RNF144B: variants seen among roughly 807,000 people sequenced by gnomAD.
RNF144B encodes ring finger protein 144B.
RNF144B carries 25 observed loss-of-function variants against 40.2 expected under a neutral mutation model. The ratio of observed to expected loss-of-function variants is 0.62; its 90% CI spans 0.45 to 0.87. The LOEUF (loss-of-function observed/expected upper bound fraction) is 0.87, where lower values mean the gene tolerates loss of function less well. Ranked by LOEUF, RNF144B falls within the 40% of genes least tolerant of loss-of-function variation. RNF144B has a pLI of 0.00. For missense variants in RNF144B, 365 were observed against 373.7 expected (o/e 0.98, Z 0.19); for synonymous variants, 145 against 136.3 (o/e 1.06, Z -0.44).
intron 2 of RNF144B, among the ~76,000 whole-genome samples, chr6:18,424,663 A>G (rs945948308): frequency 2.6e-5 from 4 of 152,228 alleles, no homozygotes; most frequent in East Asian, 1.9e-4. Context: ...GGGAAGGTGT[A>G]TATTTCAACT....
chr6:18,403,632 G>T (rs570908196), intron 2 of RNF144B, among the ~76,000 whole-genome samples: 1 of 152,090 alleles, frequency 6.6e-6, no homozygotes, highest in Non-Finnish European at 1.5e-5. Flanking sequence ...GGGGCCTGTC[G>T]GGTGACCTTT....
intron 7 of RNF144B, among the ~76,000 whole-genome samples, chr6:18,463,860 G>C (rs1244790037): frequency 6.6e-6 from 1 of 152,184 alleles, no homozygotes; most frequent in Non-Finnish European, 1.5e-5. Flanking sequence ...GAGGAGCAAA[G>C]TCATGTCTTA....
rs1759109163 is a variant in RNF144B, at chr6:18,447,449, GA to G, written c.331+7706del. On this transcript the variant is annotated intron_variant, in intron 4 of 7. Transcript: ENST00000259939. The surrounding 1 kb of genome is among the most constrained non-coding windows in gnomAD (Gnocchi z 5.6). ...GATTATGAAGATGAAGTCTTAGTGG[GA>G]TGAGAAGCCATTGGAGGGTTTGGAT... 6.6e-6 allele frequency among the ~76,000 whole-genome samples: 1 copy of G among 152,152 alleles called. No homozygotes were observed. Among genetic ancestry groups the G allele is most frequent in the Non-Finnish European group, 1.5e-5 (1 of 68,024 alleles).
At chr6:18,389,964 C>T (rs901641859) in intron 1 of RNF144B, among the ~76,000 whole-genome samples, 12 of 152,132 alleles carry the variant, frequency 7.9e-5, no homozygotes, top group South Asian at 2.1e-4. Flanking sequence ...TATTTTCTCT[C>T]CTCCAAGTAC....
In RNF144B at chr6:18,396,844, C is replaced by T. The variant is rs536577843; in HGVS notation, c.-36-2655C>T. On this transcript the variant is annotated intron_variant, in intron 1 of 7. Coordinates refer to ENST00000259939, the MANE Select transcript of RNF144B (RefSeq NM_182757.4). Reference sequence around the variant, plus strand: ...AAAGGTAAAGTCATTCATTTTTACCCGTATGTTTATCATAAAGAGAGATTT... The same window carrying T: ...AAAGGTAAAGTCATTCATTTTTACCTGTATGTTTATCATAAAGAGAGATTT... 1.4e-4 allele frequency: 133 copies of T among 983,222 alleles called. No homozygotes were observed. The African/African-American group carries it at 1.8e-3, about 13-fold the overall frequency. The allele number at this position is 983,222 out of a possible 1,614,324, so 60.9% of individuals were successfully genotyped here. A position where few individuals can be genotyped will look rare whatever the true frequency, so the allele number is the denominator to read the frequency against.
Position 18,458,091 on chromosome 6 carries a change from C to T in RNF144B, c.536+732C>T, listed in dbSNP as rs1239636795. On this transcript the variant is annotated intron_variant, in intron 5 of 7. Transcript: ENST00000259939. The surrounding 1 kb of genome is among the most constrained non-coding windows in gnomAD (Gnocchi z 4.8). ...TAGCTGGGATTGCAGGCACTTGCCA[C>T]CACGCCTGGCTAATTTTTCTATTTT... is the stretch of plus-strand genomic sequence containing the variant. Among the ~76,000 whole-genome samples, 1 of 152,114 alleles carries T rather than the reference C, an allele frequency of 6.6e-6. No homozygotes were observed. The highest frequency in any genetic ancestry group is 1.5e-5 in the Non-Finnish European group (1 of 68,020).
Position 18,466,803 on chromosome 6 carries a change from A to G in RNF144B, c.*1736A>G, listed in dbSNP as rs1413287831. 6.6e-6 allele frequency: 1 copy of G among 152,644 alleles called. No homozygotes were observed. Among genetic ancestry groups the G allele is most frequent in the African/African-American group, 2.4e-5 (1 of 41,454 alleles). The allele number at this position is 152,644 out of a possible 1,614,324, so 9.5% of individuals were successfully genotyped here. On this transcript the variant is annotated 3_prime_UTR_variant, in exon 8 of 8. Coordinates refer to ENST00000259939, the MANE Select transcript of RNF144B (RefSeq NM_182757.4). Reference sequence around the variant, plus strand: ...GGATGTGTATATTTCAGGAACTTTAATTCACAAGTATATATTGATATCTGA... The same window carrying G: ...GGATGTGTATATTTCAGGAACTTTAGTTCACAAGTATATATTGATATCTGA...
chr6:18,400,003 G>A lies in RNF144B; in HGVS notation c.165+304G>A, dbSNP rs538772202. Reference sequence around the variant, plus strand: ...TTTTAACATGCTGGCCAGGTGCGTTGCCTCACACCTGTAATCCCAGCACTT... The same window carrying A: ...TTTTAACATGCTGGCCAGGTGCGTTACCTCACACCTGTAATCCCAGCACTT... On this transcript the variant is annotated intron_variant, in intron 2 of 7. Transcript: ENST00000259939. This position sits in a 1 kb window ranked among gnomAD's most constrained non-coding sequence, Gnocchi z 5.6. Among the ~76,000 whole-genome samples, 3 of 152,160 alleles carry A rather than the reference G, an allele frequency of 2.0e-5. No homozygotes were observed. The highest frequency in any genetic ancestry group is 6.5e-5 in the Admixed American group (1 of 15,278).
intron 1 of RNF144B, among the ~76,000 whole-genome samples, chr6:18,389,538 C>T (rs976775457): frequency 6.6e-5 from 10 of 152,138 alleles, no homozygotes; most frequent in Non-Finnish European, 1.0e-4. Flanking sequence ...ATCCTTTCTC[C>T]GAAGTGTTTC....
chr6:18,393,489 C>G (rs745858286), intron 1 of RNF144B, among the ~76,000 whole-genome samples: 1 of 152,186 alleles, frequency 6.6e-6, no homozygotes, highest in Non-Finnish European at 1.5e-5. Context: ...CAGCACTTTA[C>G]TAGACTCAAT....
chr6:18,417,455 G>C (rs1346980088), intron 2 of RNF144B, among the ~76,000 whole-genome samples: 1 of 152,030 alleles, frequency 6.6e-6, no homozygotes, highest in African/African-American at 2.4e-5. Context: ...TTTCAACAAG[G>C]GTGCCAAGAC....
At chr6:18,430,900 T>G (rs1376325417) in intron 3 of RNF144B, among the ~76,000 whole-genome samples, 1 of 152,156 alleles carries the variant, frequency 6.6e-6, no homozygotes, top group African/African-American at 2.4e-5. Flanking sequence ...TATAAAAGCA[T>G]TTTACTTTTG....
At chr6:18,408,318 T>G (rs1214033993) in intron 2 of RNF144B, among the ~76,000 whole-genome samples, 2 of 152,166 alleles carry the variant, frequency 1.3e-5, no homozygotes, top group Non-Finnish European at 2.9e-5. Context: ...TTCTTTTTCT[T>G]CATCATTTTC....
In RNF144B at chr6:18,456,151, T is replaced by C. The variant is rs1304181844; in HGVS notation, c.332-1004T>C. ...GTTAGCCAGGATGGTCTTGATCTCC[T>C]AACCTTGTGATCCGCCTACCTCAGC... is the stretch of plus-strand genomic sequence containing the variant. On this transcript the variant is annotated intron_variant, in intron 4 of 7. Transcript: ENST00000259939. This position sits in a 1 kb window ranked among gnomAD's most constrained non-coding sequence, Gnocchi z 4.7. Among the ~76,000 whole-genome samples, 1 of 152,214 alleles carries C rather than the reference T, an allele frequency of 6.6e-6. No individual in the cohort carries two copies. The highest frequency in any genetic ancestry group is 6.5e-5 in the Admixed American group (1 of 15,278).
chr6:18,419,913 TA>T lies in RNF144B; in HGVS notation c.166-7667del, dbSNP rs1274536594. Among the ~76,000 whole-genome samples, 2 of 152,020 alleles carry T rather than the reference TA, an allele frequency of 1.3e-5. No homozygotes were observed. The highest frequency in any genetic ancestry group is 2.9e-5 in the Non-Finnish European group (2 of 68,004). On this transcript the variant is annotated intron_variant, in intron 2 of 7. Coordinates refer to ENST00000259939, the MANE Select transcript of RNF144B (RefSeq NM_182757.4). This position sits in a 1 kb window ranked among gnomAD's most constrained non-coding sequence, Gnocchi z 4.6. ...TATAGACAGGACAAAATTCAAGACATAGGAAAGAAAACAGGTAATGAATAGG... is the reference window on the plus strand; with the variant it reads ...TATAGACAGGACAAAATTCAAGACATGGAAAGAAAACAGGTAATGAATAGG...
intron 6 of RNF144B, among the ~76,000 whole-genome samples, chr6:18,462,899 T>G (rs370803159): frequency 6.6e-6 from 1 of 152,148 alleles, no homozygotes. Context: ...ATCTGAGGAC[T>G]GTAACTTCCT....
intron 2 of RNF144B, among the ~76,000 whole-genome samples, chr6:18,420,210 C>T (rs966571617): frequency 6.6e-6 from 1 of 151,864 alleles, no homozygotes; most frequent in Non-Finnish European, 1.5e-5. Flanking sequence ...TCTACCATCT[C>T]TAATCTGAAA....
chr6:18,409,235 A>G (rs367809085), intron 2 of RNF144B, among the ~76,000 whole-genome samples: 1 of 151,890 alleles, frequency 6.6e-6, no homozygotes, highest in African/African-American at 2.4e-5. Flanking sequence ...AAAATTTGCC[A>G]GGCACAGTGG....
At chr6:18,439,866 AAGG>A in intron 4 of RNF144B, 122 bp downstream of exon 4, 1 of 591,916 alleles carries the variant, frequency 1.7e-6, no homozygotes, top group Middle Eastern at 4.3e-4. Flanking sequence ...GGTACTCTAA[AAGG>A]AGAATACTGT....
Sources: gnomAD v4.1 joint callset for allele counts (sites outside exome capture counted in the v4.1 genomes callset) on GRCh38, gnomAD v4.1.1 for gene constraint, Gnocchi (gnomAD v3.1) non-coding constraint, MANE v1.5 for transcripts, NCBI Gene and HGNC (gene_info 2026-07-23, HGNC 2026-07-21) for gene names.